CPLX2: variants seen among roughly 807,000 people sequenced by gnomAD.
The protein encoded by CPLX2 is complexin 2.
A neutral mutation model predicts 16.3 loss-of-function variants in CPLX2; 5 were observed. The ratio of observed to expected loss-of-function variants is 0.31; its 90% CI spans 0.16 to 0.64. The LOEUF is 0.64. Ranked by LOEUF, CPLX2 falls within the 30% of genes least tolerant of loss-of-function variation. CPLX2 has a pLI of 0.79. For synonymous variants in CPLX2, 89 were observed against 73.2 expected (o/e 1.22, Z -1.10); for missense variants, 144 against 181.4 (o/e 0.79, Z 1.18).
At chr5:175,832,066 T>G (rs1758744419) in intron 2 of CPLX2, among the ~76,000 whole-genome samples, 1 of 152,240 alleles carries the variant, frequency 6.6e-6, no homozygotes, top group African/African-American at 2.4e-5. Context: ...TTCCACCATC[T>G]GGGATTTATT....
At chr5:175,820,343 G>A (rs914350876) in intron 2 of CPLX2, among the ~76,000 whole-genome samples, 1 of 152,216 alleles carries the variant, frequency 6.6e-6, no homozygotes, top group East Asian at 1.9e-4. Context: ...TCTGTGACTA[G>A]CGGGGCTCCG....
chr5:175,831,564 G>A (rs1422788807), intron 2 of CPLX2, among the ~76,000 whole-genome samples: 10 of 152,196 alleles, frequency 6.6e-5, no homozygotes, highest in African/African-American at 2.4e-4. Context: ...TATGGGCTCT[G>A]AGCAGAACAT....
chr5:175,873,044 G>T (rs1486202730), intron 1 of CPLX2: 1 of 150,250 alleles, frequency 6.7e-6, no homozygotes, highest in East Asian at 2.0e-4. Context: ...GTGCTACGAC[G>T]GCATCCCTCG....
Position 175,879,075 on chromosome 5 carries a change from C to T in CPLX2, c.199C>T (p.Arg67Ter). The change falls in exon 3 of 4, where the codon CGA becomes TGA. Residue 67 changes from arginine (R) to a stop codon, truncating the protein, a stop_gained. Coordinates refer to ENST00000393745, the MANE Select transcript of CPLX2 (RefSeq NM_001008220.2). LOFTEE classifies it high-confidence loss of function. Reference protein sequence around the residue: ...AEREKVRQQIRDKYGLKKKEE... With the variant: ...AEREKVRQQI ...GCGGGAGAAGGTCCGGCAGCAGATC[C>T]GAGATAAGGTCAGCTCCGCCCGCCC... is the stretch of plus-strand genomic sequence containing the variant. 6.4e-7 allele frequency: 1 copy of T among 1,572,930 alleles called. No individual in the cohort carries two copies. The highest frequency in any genetic ancestry group is 8.6e-7 in the Non-Finnish European group (1 of 1,159,844).
rs1759155528 is a variant in CPLX2, at chr5:175,851,576, C to T, written c.-88-27076C>T. On this transcript the variant is annotated intron_variant, in intron 2 of 4. Coordinates refer to the CPLX2 transcript ENST00000359546. ...ATAACTTCCACTGTGGGGTCCTCTG[C>T]AAGGCCCACAGAGGAATGGCTGCGG... Among the ~76,000 whole-genome samples, 3 of 152,330 alleles carry T rather than the reference C, an allele frequency of 2.0e-5. No homozygotes were observed. In the South Asian group the frequency reaches 6.2e-4, roughly 32 times the overall value.
At chr5:175,814,150 G>C (rs12520557) in intron 2 of CPLX2, among the ~76,000 whole-genome samples, 59,115 of 152,214 alleles carry the variant, frequency 0.39, 12,802 homozygotes, top group East Asian at 0.75. Context: ...GGTGTTGCAA[G>C]GGCTTCCATG....
chr5:175,813,328 CA>C (rs1758346749), intron 2 of CPLX2, among the ~76,000 whole-genome samples: 1 of 152,136 alleles, frequency 6.6e-6, no homozygotes, highest in African/African-American at 2.4e-5. Context: ...GGGCAGAAAT[CA>C]TGAAGGTGGC....
At chr5:175,833,335 T>C (rs1212744839) in intron 2 of CPLX2, among the ~76,000 whole-genome samples, 1 of 152,074 alleles carries the variant, frequency 6.6e-6, no homozygotes, top group Non-Finnish European at 1.5e-5. Flanking sequence ...CTGCTTGGGA[T>C]ACAGAGATGA....
Position 175,880,352 on chromosome 5 carries a change from G to A in CPLX2, c.*307G>A. 1 of 432,566 alleles carries A rather than the reference G, an allele frequency of 2.3e-6. No homozygotes were observed. Among genetic ancestry groups the A allele is most frequent in the South Asian group, 2.1e-5 (1 of 48,688 alleles). The allele number at this position is 432,566 out of a possible 1,614,324, so 26.8% of individuals were successfully genotyped here. A position where few individuals can be genotyped will look rare whatever the true frequency, so the allele number is the denominator to read the frequency against. On this transcript the variant is annotated 3_prime_UTR_variant, in exon 4 of 4. Coordinates refer to ENST00000393745, the MANE Select transcript of CPLX2 (RefSeq NM_001008220.2). ...TGGTGACCCCCATACATTCCTCCCT[G>A]CTCCCCACTGCCAGGAGGACCACTG...
intron 2 of CPLX2, among the ~76,000 whole-genome samples, chr5:175,866,273 A>G (rs989631732): frequency 1.6e-4 from 24 of 152,230 alleles, no homozygotes; most frequent in Non-Finnish European, 3.5e-4. Flanking sequence ...ATCAGAGAAG[A>G]GTTCTTAATG....
intron 2 of CPLX2, among the ~76,000 whole-genome samples, chr5:175,843,944 C>G (rs1457415297): frequency 6.6e-6 from 1 of 152,262 alleles, no homozygotes; most frequent in East Asian, 1.9e-4. Flanking sequence ...TCACCCCCTA[C>G]ACAGTGTTCT....
chr5:175,815,192 G>C (rs529114812), intron 2 of CPLX2, among the ~76,000 whole-genome samples: 2 of 152,208 alleles, frequency 1.3e-5, no homozygotes, highest in African/African-American at 4.8e-5. Flanking sequence ...GTGGTCTGCT[G>C]TACCTGAGTA....
At chr5:175,841,752 C>T (rs538610672) in intron 2 of CPLX2, among the ~76,000 whole-genome samples, 1 of 152,316 alleles carries the variant, frequency 6.6e-6, no homozygotes, top group African/African-American at 2.4e-5. Flanking sequence ...TGGTTAGAAG[C>T]AGAGACTGAA....
At chr5:175,868,575 C>A (rs577429626), upstream of CPLX2, among the ~76,000 whole-genome samples, 135 of 152,224 alleles carry the variant, frequency 8.9e-4, 1 homozygote, top group African/African-American at 3.1e-3. Context: ...AGAGCAGGCT[C>A]GGCAAGAACC....
chr5:175,864,839 G>A (rs1054759811), intron 2 of CPLX2, among the ~76,000 whole-genome samples: 2 of 152,098 alleles, frequency 1.3e-5, no homozygotes, highest in African/African-American at 4.8e-5. Context: ...GACGTGTGGA[G>A]CTGGGCGCTG....
At position 175,872,021 on chromosome 5, in the gene CPLX2, C is replaced by G. The variant is rs906209411; in HGVS notation, c.-89+316C>G. ...GCCCGAACGGCCGGGGTCCCGGAGC[C>G]AGGACCGCCCCGGCTGCGGCGGAGA... On this transcript the variant is annotated intron_variant, in intron 1 of 3. Transcript: ENST00000393745. This position sits in a 1 kb window ranked among gnomAD's most constrained non-coding sequence, Gnocchi z 5.0. The G allele has an allele frequency of 6.6e-6, 1 of 152,268 alleles. No individual in the cohort carries two copies. Among genetic ancestry groups the G allele is most frequent in the Non-Finnish European group, 1.5e-5 (1 of 68,092 alleles). The allele number at this position is 152,268 out of a possible 1,614,324, so 9.4% of individuals were successfully genotyped here.
intron 2 of CPLX2, among the ~76,000 whole-genome samples, chr5:175,839,886 T>C (rs1353689120): frequency 2.0e-5 from 3 of 152,258 alleles, no homozygotes; most frequent in Non-Finnish European, 4.4e-5. Flanking sequence ...TCTGGACTAT[T>C]ACATTCAAAC....
intron 2 of CPLX2, among the ~76,000 whole-genome samples, chr5:175,818,650 C>CTT (rs70988300): frequency 0.26 from 13,451 of 50,986 alleles, 4,989 homozygotes; most frequent in East Asian, 0.56. Context: ...CTGTCCCAAC[C>CTT]TTTTTTTTTT....
chr5:175,805,019 A>G (rs982359616), intron 1 of CPLX2, among the ~76,000 whole-genome samples: 1 of 152,212 alleles, frequency 6.6e-6, no homozygotes, highest in Non-Finnish European at 1.5e-5. Flanking sequence ...GGTAGCTTCT[A>G]TGGTTGTTGT....
Sources: gnomAD v4.1 joint callset for allele counts (sites outside exome capture counted in the v4.1 genomes callset) on GRCh38, gnomAD v4.1.1 for gene constraint, Gnocchi (gnomAD v3.1) non-coding constraint, MANE v1.5 for transcripts, NCBI Gene and HGNC (gene_info 2026-07-23, HGNC 2026-07-21) for gene names.